BCAS3: variants seen among roughly 807,000 people sequenced by gnomAD.
BCAS3 encodes BCAS4/BCAS3 fusion.
A neutral mutation model predicts 116.1 loss-of-function variants in BCAS3; 53 were observed. That is an observed-to-expected ratio of 0.46 (90% confidence interval 0.37 to 0.57). The LOEUF is 0.57. BCAS3 is among the 20% of genes least tolerant of loss of function. BCAS3 has a pLI of 0.00. For synonymous variants in BCAS3, 391 were observed against 408.2 expected (o/e 0.96, Z 0.51); for missense variants, 917 against 1,165.4 (o/e 0.79, Z 3.10).
At chr17:61,305,313 A>G (rs934667062) in intron 22 of BCAS3, among the ~76,000 whole-genome samples, 11 of 152,104 alleles carry the variant, frequency 7.2e-5, no homozygotes, top group African/African-American at 2.2e-4. Flanking sequence ...GGAGTGGGAA[A>G]GGCAGCAGAG....
chr17:61,051,270 A>AT lies in BCAS3; in HGVS notation c.2029+10380dup, dbSNP rs2143194592. Among the ~76,000 whole-genome samples the AT allele has an allele frequency of 6.6e-6, 1 of 152,154 alleles. No homozygotes were observed. The highest frequency in any genetic ancestry group is 1.9e-4 in the East Asian group (1 of 5,182). ...ACAAAATTATAGAGATAGATAATAG[A>AT]TTAGTGGTGCCCAGGGATTAGGGAT... On this transcript the variant is annotated intron_variant, in intron 19 of 23. Coordinates refer to ENST00000407086, the MANE Select transcript of BCAS3 (RefSeq NM_017679.5). This position sits in a 1 kb window ranked among gnomAD's most constrained non-coding sequence, Gnocchi z 4.1.
chr17:60,776,226 C>CTG (rs200936738), intron 6 of BCAS3, among the ~76,000 whole-genome samples: 4 of 151,760 alleles, frequency 2.6e-5, no homozygotes, highest in East Asian at 3.9e-4. Context: ...TTAAAGTAAT[C>CTG]TGTGTGTGTG....
chr17:60,807,224 C>G (rs1246112546), intron 6 of BCAS3, among the ~76,000 whole-genome samples: 1 of 151,850 alleles, frequency 6.6e-6, no homozygotes, highest in African/African-American at 2.4e-5. Context: ...TTAGGTAAAT[C>G]TAATTCAGTT....
In BCAS3 at chr17:61,229,185, A is replaced by G. The variant is rs150391100; in HGVS notation, c.2426-139142A>G. On this transcript the variant is annotated intron_variant, in intron 22 of 23. Transcript: ENST00000407086. The surrounding 1 kb of genome is among the most constrained non-coding windows in gnomAD (Gnocchi z 4.4). ...TGAGCCACCGCACCTGGCCACCACC[A>G]CATTCCTTTAAGCCAAAGCCTAATC... is the stretch of plus-strand genomic sequence containing the variant. Among the ~76,000 whole-genome samples, 538 of 152,282 alleles carry G rather than the reference A, an allele frequency of 3.5e-3. 3 individuals are homozygous for G. The highest frequency in any genetic ancestry group is 0.012 in the African/African-American group (515 of 41,574).
intron 5 of BCAS3, among the ~76,000 whole-genome samples, chr17:60,717,636 C>T (rs955255913): frequency 5.3e-5 from 8 of 152,072 alleles, no homozygotes; most frequent in African/African-American, 1.9e-4. Flanking sequence ...TGTTTTCGCC[C>T]TTGTAAGGAC....
In BCAS3 at chr17:61,344,543, C is replaced by T. The variant is rs2057384223; in HGVS notation, c.2426-23784C>T. The stretch of plus-strand genomic sequence containing the variant: ...AGATGATATCTCTGCCCCCATGGGG[C>T]TTATATTCTAGAGGAGGAAACAGCC... On this transcript the variant is annotated intron_variant, in intron 22 of 23. Transcript: ENST00000407086. This position sits in a 1 kb window ranked among gnomAD's most constrained non-coding sequence, Gnocchi z 4.1. Among the ~76,000 whole-genome samples the T allele has an allele frequency of 6.6e-6, 1 of 152,118 alleles. No homozygotes were observed. The highest frequency in any genetic ancestry group is 2.1e-4 in the South Asian group (1 of 4,832).
intron 20 of BCAS3, among the ~76,000 whole-genome samples, chr17:61,075,914 T>C (rs1382250182): frequency 6.6e-6 from 1 of 152,006 alleles, no homozygotes; most frequent in Non-Finnish European, 1.5e-5. Flanking sequence ...TGCTGGCTAA[T>C]TTGTTTTTTT....
chr17:61,312,847 A>C (rs1266648927), intron 22 of BCAS3, among the ~76,000 whole-genome samples: 1 of 152,186 alleles, frequency 6.6e-6, no homozygotes, highest in African/African-American at 2.4e-5. Flanking sequence ...ACAACCAAAG[A>C]GCTTTCTAAG....
rs1012168671 is a variant in BCAS3, at chr17:61,248,534, A to T, written c.2426-119793A>T. Among the ~76,000 whole-genome samples the T allele has an allele frequency of 1.3e-5, 2 of 152,164 alleles. No homozygotes were observed. Among genetic ancestry groups the T allele is most frequent in the Non-Finnish European group, 2.9e-5 (2 of 68,018 alleles). On this transcript the variant is annotated intron_variant, in intron 22 of 23. Coordinates refer to ENST00000407086, the MANE Select transcript of BCAS3 (RefSeq NM_017679.5). This position sits in a 1 kb window ranked among gnomAD's most constrained non-coding sequence, Gnocchi z 4.3. ...TGGGCCTTGGGAGGAGGGGTAATAT[A>T]CAAGATTAGAGTGCAAAGTCCATCT...
rs941779303 is a variant in BCAS3, at chr17:61,315,200, C to T, written c.2426-53127C>T. Among the ~76,000 whole-genome samples, 4 of 152,256 alleles carry T rather than the reference C, an allele frequency of 2.6e-5. No individual in the cohort carries two copies. Among genetic ancestry groups the T allele is most frequent in the East Asian group, 3.9e-4 (2 of 5,166 alleles). ...GCGTGATCTCGGCTCACTGCAGCCTCCGCCTCCAGGTTAAAGCAATTCTCG... is the reference window on the plus strand; with the variant it reads ...GCGTGATCTCGGCTCACTGCAGCCTTCGCCTCCAGGTTAAAGCAATTCTCG... On this transcript the variant is annotated intron_variant, in intron 22 of 23. Transcript: ENST00000407086. The surrounding 1 kb of genome is among the most constrained non-coding windows in gnomAD (Gnocchi z 5.3).
At position 61,034,780 on chromosome 17, in the gene BCAS3, A is replaced by T; in HGVS notation, c.1752A>T (p.Lys584Asn). 6.2e-7 allele frequency: 1 copy of T among 1,604,190 alleles called. No individual in the cohort carries two copies. Among genetic ancestry groups the T allele is most frequent in the African/African-American group, 1.3e-5 (1 of 74,376 alleles). The change falls in exon 17 of 24, where the codon AAA becomes AAT. Residue 584 changes from lysine (K) to asparagine (N), a missense_variant. Around this residue, in one of 3 missense-constraint regions of BCAS3, gnomAD observed 807 missense variants for 1,026.0 expected, o/e 0.79. Coordinates refer to ENST00000407086, the MANE Select transcript of BCAS3 (RefSeq NM_017679.5). This position sits in a 1 kb window ranked among gnomAD's most constrained non-coding sequence, Gnocchi z 5.0. ...GGTTTGCAAATAATGCAGGTCTGAA[A>T]AGAGAAAAAGGTATGTATTTTTACT... ...RSWFANNAGL[K>N]REKDQSKQVV...
In BCAS3 at chr17:61,198,132, G is replaced by GT. The variant is rs11311858; in HGVS notation, c.2425+113580dup. ...GCGATTAAGATAAAGTGCAAGATAT[G>GT]TTTTTTTTTTTTCTTTTTTTTTTTT... On this transcript the variant is annotated intron_variant, in intron 22 of 23. Transcript: ENST00000407086. This position sits in a 1 kb window ranked among gnomAD's most constrained non-coding sequence, Gnocchi z 5.0. Among the ~76,000 whole-genome samples, 7 of 143,674 alleles carry GT rather than the reference G, an allele frequency of 4.9e-5. No individual in the cohort carries two copies. The highest frequency in any genetic ancestry group is 2.1e-4 in the East Asian group (1 of 4,870). The allele number at this position is 143,674 out of a possible 152,430, so 94.3% of individuals were successfully genotyped here.
At chr17:61,382,760 A>G (rs184117317) in intron 23 of BCAS3, 1 of 152,396 alleles carries the variant, frequency 6.6e-6, no homozygotes, top group Admixed American at 6.5e-5. Context: ...AACCATTACC[A>G]TGAAAGTCAT....
At chr17:61,070,077 C>A (rs781603891) in intron 19 of BCAS3, 3 of 1,581,082 alleles carry the variant, frequency 1.9e-6, no homozygotes, top group Non-Finnish European at 2.6e-6. Context: ...CCAGGAGAAA[C>A]AAGCTTGACC....
chr17:61,116,891 A>G (rs1452290232), intron 22 of BCAS3, among the ~76,000 whole-genome samples: 1 of 152,142 alleles, frequency 6.6e-6, no homozygotes, highest in South Asian at 2.1e-4. Flanking sequence ...GTAAAGTGCC[A>G]TTTTTCTCTC....
Position 60,699,862 on chromosome 17 carries a change from C to CAAA in BCAS3, c.215-9340_215-9338dup, listed in dbSNP as rs34153475. ...TGGGCGACAGAGCAAGACTCCGTCT[C>CAAA]AAAAAAAAAAAAAAAAAAAGAGCAG... is the stretch of plus-strand genomic sequence containing the variant. On this transcript the variant is annotated intron_variant, in intron 4 of 23. Transcript: ENST00000407086. Among the ~76,000 whole-genome samples, 14 of 68,550 alleles carry CAAA rather than the reference C, an allele frequency of 2.0e-4. No individual in the cohort carries two copies. In the South Asian group the frequency reaches 5.4e-3, roughly 26 times the overall value. 45.0% of individuals were successfully genotyped at this position (68,550 alleles called of 152,430 possible). A position where few individuals can be genotyped will look rare whatever the true frequency, so the allele number is the denominator to read the frequency against.
chr17:61,380,378 C>A lies in BCAS3; in HGVS notation c.2594-11599C>A. On this transcript the variant is annotated intron_variant, in intron 23 of 23. Coordinates refer to ENST00000407086, the MANE Select transcript of BCAS3 (RefSeq NM_017679.5). This position sits in a 1 kb window ranked among gnomAD's most constrained non-coding sequence, Gnocchi z 4.2. ...GCTGTGCCTGGGAACAGACCATGAA[C>A]ACCCCCGCAAAGCTCTCAGTGGTCA... 1 of 781,746 alleles carries A rather than the reference C, an allele frequency of 1.3e-6. No homozygotes were observed. The highest frequency in any genetic ancestry group is 2.1e-6 in the Non-Finnish European group (1 of 468,348). 48.4% of individuals were successfully genotyped at this position (781,746 alleles called of 1,614,324 possible).
chr17:61,119,240 A>G (rs1026178729), intron 22 of BCAS3, among the ~76,000 whole-genome samples: 3 of 152,216 alleles, frequency 2.0e-5, no homozygotes, highest in Non-Finnish European at 4.4e-5. Context: ...CCTAACAAAC[A>G]TAACATACAT....
chr17:60,738,957 T>C (rs1598392343), intron 5 of BCAS3, among the ~76,000 whole-genome samples: 1 of 152,168 alleles, frequency 6.6e-6, no homozygotes, highest in South Asian at 2.1e-4. Flanking sequence ...TTATCTTTCA[T>C]ACTTTTGCTG....
Sources: gnomAD v4.1 joint callset for allele counts (sites outside exome capture counted in the v4.1 genomes callset) on GRCh38, gnomAD v4.1.1 for gene constraint, gnomAD v4.1.1 regional missense constraint, Gnocchi (gnomAD v3.1) non-coding constraint, MANE v1.5 for transcripts, NCBI Gene and HGNC (gene_info 2026-07-23, HGNC 2026-07-21) for gene names.